EFCAB6: variants seen among roughly 807,000 people sequenced by gnomAD.
EFCAB6 encodes EF-hand calcium-binding domain-containing protein 6.
Under a neutral mutation model 169.8 loss-of-function variants are expected in EFCAB6, and 156 were observed. The observed-to-expected ratio is 0.92, with a 90% CI of 0.81 to 1.05. EFCAB6 has a LOEUF of 1.05. EFCAB6 is among the 50% of genes least tolerant of loss of function. The pLI is 0.00. For synonymous variants in EFCAB6, 698 were observed against 676.4 expected (o/e 1.03, Z -0.50); for missense variants, 1,800 against 1,829.1 (o/e 0.98, Z 0.29).
At chr22:43,804,511 G>C (rs1204435505) in intron 2 of EFCAB6, among the ~76,000 whole-genome samples, 1 of 152,162 alleles carries the variant, frequency 6.6e-6, no homozygotes, top group Non-Finnish European at 1.5e-5. Flanking sequence ...TGTAATCCCA[G>C]CACTTTGGGA....
chr22:43,549,728 G>A (rs1015110654), intron 27 of EFCAB6, among the ~76,000 whole-genome samples: 2 of 152,168 alleles, frequency 1.3e-5, no homozygotes, highest in Non-Finnish European at 2.9e-5. Flanking sequence ...AAGACAGGAT[G>A]AGAAAAGAAA....
chr22:43,602,811 C>T (rs1271237796), intron 22 of EFCAB6, among the ~76,000 whole-genome samples: 2 of 152,048 alleles, frequency 1.3e-5, no homozygotes, highest in South Asian at 2.1e-4. Flanking sequence ...CCTCAAGGCG[C>T]GGTGAGGACC....
At chr22:43,703,355 A>G (rs1206936698) in intron 10 of EFCAB6, among the ~76,000 whole-genome samples, 31 of 152,214 alleles carry the variant, frequency 2.0e-4, no homozygotes, top group East Asian at 1.9e-4. Context: ...TGAATAATGA[A>G]TATCTATTTC....
intron 15 of EFCAB6, among the ~76,000 whole-genome samples, chr22:43,670,444 T>A (rs1361226379): frequency 2.0e-5 from 3 of 152,212 alleles, no homozygotes; most frequent in Admixed American, 6.5e-5. Flanking sequence ...TACCAAGGAC[T>A]GCTGTAATGA....
chr22:43,622,645 T>C (rs1351938239), intron 20 of EFCAB6, among the ~76,000 whole-genome samples: 1 of 152,212 alleles, frequency 6.6e-6, no homozygotes, highest in Non-Finnish European at 1.5e-5. Context: ...TATGTGGTCT[T>C]AGCGATGTTG....
At chr22:43,644,697 G>C (rs1381936834) in intron 17 of EFCAB6, among the ~76,000 whole-genome samples, 1 of 152,150 alleles carries the variant, frequency 6.6e-6, no homozygotes, top group African/African-American at 2.4e-5. Flanking sequence ...TCATGACAAT[G>C]AAAATGATGA....
Position 43,698,805 on chromosome 22 carries a change from T to A in EFCAB6, c.1032-11224A>T, listed in dbSNP as rs78939252. ...AGATGCTGACAGAGAAAGGGAGACA[T>A]AGAATGGGAAGTGGAGGAAGGGCAT... On this transcript the variant is annotated intron_variant, in intron 10 of 31. Coordinates refer to ENST00000262726, the MANE Select transcript of EFCAB6 (RefSeq NM_022785.4). Among the ~76,000 whole-genome samples, 126 of 152,232 alleles carry A rather than the reference T, an allele frequency of 8.3e-4. 1 individual carries two copies. The highest frequency in any genetic ancestry group is 1.4e-3 in the Non-Finnish European group (95 of 68,010).
chr22:43,652,610 GTT>G (rs2056528279), intron 17 of EFCAB6, among the ~76,000 whole-genome samples: 10 of 152,194 alleles, frequency 6.6e-5, no homozygotes, highest in African/African-American at 2.4e-4. Flanking sequence ...CTGGACTAAG[GTT>G]ATGAGTCCCC....
intron 21 of EFCAB6, among the ~76,000 whole-genome samples, chr22:43,609,940 G>A (rs2053189611): frequency 6.6e-6 from 1 of 152,232 alleles, no homozygotes; most frequent in Admixed American, 6.5e-5. Flanking sequence ...TCGGCCAGGG[G>A]AAGGGGGACT....
intron 10 of EFCAB6, among the ~76,000 whole-genome samples, chr22:43,699,782 A>T (rs137812): frequency 0.55 from 83,895 of 152,010 alleles, 23,450 homozygotes; most frequent in East Asian, 0.77. Context: ...TGAAAATATA[A>T]CCCAGAGTTT....
At chr22:43,655,477 T>C (rs568065114) in intron 17 of EFCAB6, among the ~76,000 whole-genome samples, 116 of 130,770 alleles carry the variant, frequency 8.9e-4, no homozygotes, top group African/African-American at 3.3e-3. Context: ...CATAAGCTAA[T>C]AGACAGGAAA....
chr22:43,698,667 G>A (rs1048352067), intron 10 of EFCAB6, among the ~76,000 whole-genome samples: 2 of 152,176 alleles, frequency 1.3e-5, no homozygotes, highest in African/African-American at 4.8e-5. Flanking sequence ...CTGTGCTTCA[G>A]GATGCATTAT....
rs573721779 is a variant in EFCAB6, at chr22:43,576,369, T to C, written c.3348A>G (p.Lys1116=). The C allele has an allele frequency of 2.5e-6, 4 of 1,599,562 alleles. No individual in the cohort carries two copies. The highest frequency in any genetic ancestry group is 2.7e-5 in the African/African-American group (2 of 74,058). The part of the protein sequence containing the change: ...TDNQYHYFLR[K]LRIHLTPYIN... The stretch of plus-strand genomic sequence containing the variant: ...TATAGGGGGTTAGATGAATTCTTAG[T>C]TTCCTCAAAAAATAATGATACTGAT... The change falls in exon 26 of 32, where the codon AAA becomes AAG. Residue 1116 remains lysine, a synonymous_variant. Transcript: ENST00000262726.
chr22:43,650,219 C>A (rs897957921), intron 17 of EFCAB6, among the ~76,000 whole-genome samples: 5 of 152,148 alleles, frequency 3.3e-5, no homozygotes, highest in African/African-American at 1.2e-4. Flanking sequence ...CAAATCTCAT[C>A]TTGAATTCCC....
intron 22 of EFCAB6, among the ~76,000 whole-genome samples, chr22:43,606,486 GCACTTAATATGACTCCTTACC>G (rs1042455186): frequency 6.6e-6 from 1 of 152,258 alleles, no homozygotes; most frequent in African/African-American, 2.4e-5. Context: ...CCCTGGGCTA[GCACTTAATATGACTCCTTACC>G]CAGGACTCAA....
chr22:43,657,288 C>T (rs367680405), intron 17 of EFCAB6, among the ~76,000 whole-genome samples: 2 of 152,102 alleles, frequency 1.3e-5, no homozygotes, highest in African/African-American at 4.8e-5. Flanking sequence ...GAGAGAGACC[C>T]TGTCCTCCCA....
chr22:43,748,323 C>G (rs1181185672), intron 6 of EFCAB6, among the ~76,000 whole-genome samples: 2 of 152,252 alleles, frequency 1.3e-5, no homozygotes, highest in African/African-American at 2.4e-5. Flanking sequence ...CCTTTCAAAA[C>G]TGATCTGTCC....
At position 43,537,934 on chromosome 22, in the gene EFCAB6, C is replaced by T. The variant is rs765384704; in HGVS notation, c.3880-389G>A. ...TTGTCCTGGGCACAAGACATCCAAT[C>T]CGTAAACATTCACAGAATATCTGTT... On this transcript the variant is annotated intron_variant, in intron 28 of 31. Coordinates refer to ENST00000262726, the MANE Select transcript of EFCAB6 (RefSeq NM_022785.4). This position sits in a 1 kb window ranked among gnomAD's most constrained non-coding sequence, Gnocchi z 4.3. Among the ~76,000 whole-genome samples, 1 of 152,186 alleles carries T rather than the reference C, an allele frequency of 6.6e-6. No homozygotes were observed. Among genetic ancestry groups the T allele is most frequent in the African/African-American group, 2.4e-5 (1 of 41,430 alleles).
intron 4 of EFCAB6, among the ~76,000 whole-genome samples, chr22:43,766,008 C>T (rs1344444540): frequency 2.0e-5 from 3 of 152,108 alleles, no homozygotes; most frequent in Non-Finnish European, 4.4e-5. Flanking sequence ...ATGATACAAG[C>T]AACTTCCCCT....
Sources: allele counts gnomAD v4.1 joint callset (sites outside exome capture counted in the v4.1 genomes callset), GRCh38; gene constraint gnomAD v4.1.1; non-coding constraint Gnocchi (gnomAD v3.1); transcripts MANE v1.5; gene names NCBI Gene and HGNC (gene_info 2026-07-23, HGNC 2026-07-21).